TENM4: variants seen among roughly 807,000 people sequenced by gnomAD.
TENM4 encodes teneurin-4.
A neutral mutation model predicts 243.3 loss-of-function variants in TENM4; 82 were observed. The observed-to-expected ratio is 0.34, with a 90% confidence interval of 0.28 to 0.40. TENM4 has a LOEUF of 0.40. TENM4 is among the 10% of genes least tolerant of loss of function. The pLI, the probability that TENM4 is intolerant of heterozygous loss-of-function variation, is 1.00. For synonymous variants in TENM4, 1,412 were observed against 1,456.3 expected, an observed-to-expected ratio of 0.97 and a Z score of 0.69; for missense variants, 3,138 against 3,673.3, an observed-to-expected ratio of 0.85 and a Z score of 3.77.
chr11:79,350,793 C>T (rs1857402103), intron 1 of TENM4, among the ~76,000 whole-genome samples: 1 of 152,062 alleles, frequency 6.6e-6, no homozygotes, highest in African/African-American at 2.4e-5. Flanking sequence ...TCCCAACTAC[C>T]ACGCCCTTCA....
At chr11:79,361,333 A>ACCAGCC (rs1425577318) in intron 1 of TENM4, among the ~76,000 whole-genome samples, 1 of 152,216 alleles carries the variant, frequency 6.6e-6, no homozygotes, top group Non-Finnish European at 1.5e-5. Flanking sequence ...CCTCAAATAC[A>ACCAGCC]GTTCTCTGCT....
chr11:78,974,718 CTTTTCT>C (rs1276999857), intron 6 of TENM4, among the ~76,000 whole-genome samples: 98 of 140,970 alleles, frequency 7.0e-4, no homozygotes, highest in African/African-American at 2.4e-3. Flanking sequence ...TTTTTCTTTT[CTTTTCT>C]TTTTTTTTTT....
chr11:79,306,991 C>T (rs1332387734), intron 1 of TENM4, among the ~76,000 whole-genome samples: 2 of 152,154 alleles, frequency 1.3e-5, no homozygotes, highest in Non-Finnish European at 1.5e-5. Flanking sequence ...CCAGATGTGC[C>T]TCTTTGTAAA....
chr11:79,399,684 C>CAAA (rs377067376), intron 1 of TENM4, among the ~76,000 whole-genome samples: 4 of 149,896 alleles, frequency 2.7e-5, no homozygotes, highest in African/African-American at 7.4e-5. Flanking sequence ...ACATTCACAT[C>CAAA]AAAAAAAAAG....
chr11:78,815,887 C>A (rs1380981108), intron 12 of TENM4, among the ~76,000 whole-genome samples: 1 of 152,220 alleles, frequency 6.6e-6, no homozygotes, highest in African/African-American at 2.4e-5. Flanking sequence ...GGACTGGAAC[C>A]CGAGCCTTCG....
At chr11:79,117,411 G>A (rs1010737686) in intron 4 of TENM4, among the ~76,000 whole-genome samples, 3 of 152,164 alleles carry the variant, frequency 2.0e-5, no homozygotes, top group Non-Finnish European at 4.4e-5. Context: ...CTCTAGAAGA[G>A]GCTGTCCTTT....
intron 7 of TENM4, among the ~76,000 whole-genome samples, chr11:78,894,379 A>G (rs2136304375): frequency 6.6e-6 from 1 of 152,370 alleles, no homozygotes; most frequent in Middle Eastern, 3.4e-3. Context: ...AAAAAAATAC[A>G]TTCAGAGAAA....
intron 1 of TENM4, among the ~76,000 whole-genome samples, chr11:79,426,214 C>T (rs2135598974): frequency 6.6e-6 from 1 of 152,326 alleles, no homozygotes; most frequent in Non-Finnish European, 1.5e-5. Flanking sequence ...CAGATGACAT[C>T]AAAAGATGGT....
At chr11:78,747,656 G>T (rs962803695) in intron 19 of TENM4, among the ~76,000 whole-genome samples, 2 of 152,132 alleles carry the variant, frequency 1.3e-5, no homozygotes, top group Non-Finnish European at 2.9e-5. Flanking sequence ...CCTCACTGTG[G>T]GATTTGCTTG....
chr11:79,111,419 C>CCTA (rs1861504233), intron 4 of TENM4, among the ~76,000 whole-genome samples: 1 of 152,086 alleles, frequency 6.6e-6, no homozygotes. Flanking sequence ...ATGGCGGGCA[C>CCTA]CTGTAGTCTC....
intron 3 of TENM4, among the ~76,000 whole-genome samples, chr11:79,198,130 A>C (rs182099277): frequency 8.7e-4 from 132 of 152,374 alleles, no homozygotes; most frequent in Non-Finnish European, 1.2e-4. Context: ...TATTATTATT[A>C]AATGATGAGG....
intron 6 of TENM4, among the ~76,000 whole-genome samples, chr11:79,006,312 T>A (rs1163641010): frequency 6.6e-6 from 1 of 152,170 alleles, no homozygotes; most frequent in Non-Finnish European, 1.5e-5. Flanking sequence ...TTCAAGTTGG[T>A]TGATGGTCAG....
At chr11:79,281,326 T>A (rs1199864230) in intron 2 of TENM4, among the ~76,000 whole-genome samples, 1 of 152,150 alleles carries the variant, frequency 6.6e-6, no homozygotes, top group Non-Finnish European at 1.5e-5. Context: ...CAAGCAGCCA[T>A]TGGGAGAGTT....
chr11:79,415,040 C>CTGG (rs1407696592), intron 1 of TENM4, among the ~76,000 whole-genome samples: 15 of 152,328 alleles, frequency 9.8e-5, no homozygotes, highest in African/African-American at 3.6e-4. Flanking sequence ...CTCTTCACCC[C>CTGG]ACCACTTTGC....
intron 2 of TENM4, among the ~76,000 whole-genome samples, chr11:79,266,017 T>C (rs1260486837): frequency 6.6e-6 from 1 of 152,194 alleles, no homozygotes; most frequent in Non-Finnish European, 1.5e-5. Context: ...CCTATCTGAT[T>C]TCCCAGGTGG....
chr11:79,010,794 C>T (rs911103104), intron 6 of TENM4, among the ~76,000 whole-genome samples: 1 of 152,100 alleles, frequency 6.6e-6, no homozygotes, highest in Non-Finnish European at 1.5e-5. Flanking sequence ...ACAGCCAAAC[C>T]ATGTCAGGGT....
chr11:79,101,726 A>G (rs1368908075), intron 4 of TENM4, among the ~76,000 whole-genome samples: 1 of 152,210 alleles, frequency 6.6e-6, no homozygotes, highest in Non-Finnish European at 1.5e-5. Flanking sequence ...CTGTGGGACG[A>G]CTATTACCAT....
At chr11:79,419,042 GGTCACATCTA>G (rs774765620) in intron 1 of TENM4, among the ~76,000 whole-genome samples, 107 of 152,290 alleles carry the variant, frequency 7.0e-4, no homozygotes, top group Non-Finnish European at 1.0e-3. Context: ...TTATATTCCA[GGTCACATCTA>G]GACTAGGCTT....
At chr11:79,333,003 G>C (rs1355205159) in intron 1 of TENM4, among the ~76,000 whole-genome samples, 1 of 152,124 alleles carries the variant, frequency 6.6e-6, no homozygotes, top group Non-Finnish European at 1.5e-5. Context: ...TATAGCAGGG[G>C]AACAAGGTAG....
Sources: gnomAD v4.1 joint callset for allele counts (sites outside exome capture counted in the v4.1 genomes callset) on GRCh38, gnomAD v4.1.1 for gene constraint, MANE v1.5 for transcripts, NCBI Gene and HGNC (gene_info 2026-07-23, HGNC 2026-07-21) for gene names.